Variants in ALOXE3 observed in about 807,000 individuals in gnomAD.
ALOXE3 encodes hydroperoxide isomerase ALOXE3.
A neutral mutation model predicts 87.5 loss-of-function variants in ALOXE3; 78 were observed. The observed-to-expected ratio is 0.89, with a 90% CI of 0.74 to 1.08. The LOEUF (loss-of-function observed/expected upper bound fraction) is 1.08, where lower values mean the gene tolerates loss of function less well. Ranked by LOEUF, ALOXE3 falls within the 50% of genes least tolerant of loss-of-function variation. The pLI, the probability that ALOXE3 is intolerant of heterozygous loss-of-function variation, is 0.00. For missense variants in ALOXE3, 946 were observed against 912.4 expected (o/e 1.04, Z -0.47); for synonymous variants, 363 against 370.8 (o/e 0.98, Z 0.24).
intron 4 of ALOXE3, 53 bp from the exon 5 acceptor site, chr17:8,115,110 G>T (rs533465685): frequency 6.2e-7 from 1 of 1,609,972 alleles, no homozygotes; most frequent in Non-Finnish European, 8.5e-7. Context: ...ATAAACACAA[G>T]TCTTAGCTTT....
In ALOXE3 at chr17:8,110,482, G is replaced by A. The variant is rs778150284; in HGVS notation, c.1004C>T (p.Pro335Leu). The A allele has an allele frequency of 1.2e-6, 2 of 1,613,794 alleles. No individual in the cohort carries two copies. ...CTGGCGGCCGTTTAGGCAGTGGGTG[G>A]GGGCCTCCGCCAGGATCCAGTAGTC... ...LADYWILAEA[P>L]THCLNGRQQY... Residue 335 changes from proline (P) to leucine (L), a missense_variant, in exon 9 of 16, where the codon CCC becomes CTC. Physicochemically the swap from Pro to Leu is moderately conservative, Grantham distance 98. Transcript: ENST00000448843.
intron 6 of ALOXE3, 29 bp downstream of exon 6, chr17:8,114,455 G>A: frequency 3.7e-6 from 6 of 1,613,996 alleles, no homozygotes; most frequent in Non-Finnish European, 4.2e-6. Flanking sequence ...AGAGATGTAA[G>A]ATGTTCATTA....
chr17:8,114,452 T>A lies in ALOXE3; in HGVS notation c.680+32A>T, dbSNP rs771078178. On this transcript the variant is annotated intron_variant, in intron 6 of 15. Transcript: ENST00000448843. ...GGAGGGGGATGGATGGGCAGAGATG[T>A]AAGATGTTCATTAGAGGGACAATGG... The A allele has an allele frequency of 1.5e-5, 24 of 1,613,138 alleles. No individual in the cohort carries two copies. The African/African-American group carries it at 2.7e-4, about 18-fold the overall frequency.
chr17:8,117,031 G>C (rs778522129), intron 2 of ALOXE3, 51 bp from the exon 3 acceptor site: 5 of 1,556,592 alleles, frequency 3.2e-6, no homozygotes, highest in Non-Finnish European at 4.4e-6. Context: ...CTGCCAAGGC[G>C]GTCCTTGCGC....
rs550086451 is a variant in ALOXE3, at chr17:8,100,736, G to A, written c.1956+2587C>T. 2.6e-4 allele frequency among the ~76,000 whole-genome samples: 39 copies of A among 151,980 alleles called. No homozygotes were observed. In the East Asian group the frequency reaches 5.6e-3, roughly 22 times the overall value. On this transcript the variant is annotated intron_variant, in intron 15 of 15. Coordinates refer to ENST00000448843, the MANE Select transcript of ALOXE3 (RefSeq NM_021628.3). The stretch of plus-strand genomic sequence containing the variant: ...TAGCCTCTAGGAATCCTCTCTCTGC[G>A]GCCTCCTGAGTAGCTGGGACTACAG...
Position 8,096,778 on chromosome 17 carries a change from T to C in ALOXE3, c.1985A>G (p.His662Arg). ...CCGCCTCGGGGCCTCCTCTGTGAAG[T>C]GCTCATCTGGGTAGGTGCCCAGGGG... ...QRPLGTYPDE[H>R]FTEEAPRRSI... Residue 662 changes from histidine to arginine, a missense_variant, in exon 16 of 16, where the codon CAC becomes CGC. His to Arg is a conservative substitution (Grantham distance 29). Transcript: ENST00000448843. 6.2e-7 allele frequency: 1 copy of C among 1,614,138 alleles called. No individual in the cohort carries two copies. Among genetic ancestry groups the C allele is most frequent in the Non-Finnish European group, 8.5e-7 (1 of 1,180,022 alleles).
intron 6 of ALOXE3, among the ~76,000 whole-genome samples, chr17:8,113,905 G>A (rs558215601): frequency 1.1e-4 from 16 of 150,946 alleles, no homozygotes; most frequent in South Asian, 4.2e-4. Flanking sequence ...CCTGCCTGTA[G>A]TCCCAGCTAC....
chr17:8,106,333 T>C (rs911056517), intron 13 of ALOXE3, among the ~76,000 whole-genome samples: 5 of 151,294 alleles, frequency 3.3e-5, no homozygotes, highest in Non-Finnish European at 7.4e-5. Flanking sequence ...CGCCTGGGAG[T>C]GTGTGGGAGT....
Position 8,096,794 on chromosome 17 carries a change from T to C in ALOXE3, c.1969A>G (p.Thr657Ala). 1.2e-6 allele frequency: 2 copies of C among 1,614,128 alleles called. No individual in the cohort carries two copies. Among genetic ancestry groups the C allele is most frequent in the Non-Finnish European group, 1.7e-6 (2 of 1,180,018 alleles). Residue 657 changes from threonine (T) to alanine (A), a missense_variant, in exon 16 of 16, where the codon ACC becomes GCC. Thr to Ala is a moderately conservative substitution (Grantham distance 58, BLOSUM62 0). Transcript: ENST00000448843. ...TCTGTGAAGTGCTCATCTGGGTAGG[T>C]GCCCAGGGGCCTCTGGGAGGACATC... Reference protein sequence around the residue: ...QEPKDQRPLGTYPDEHFTEEA... With the variant: ...QEPKDQRPLGAYPDEHFTEEA...
chr17:8,116,712 G>T, intron 3 of ALOXE3, 64 bp downstream of exon 3: 1 of 1,555,980 alleles, frequency 6.4e-7, no homozygotes, highest in South Asian at 1.1e-5. Flanking sequence ...GGCTCTGTGA[G>T]ACCCCACTCC....
At chr17:8,102,838 A>T (rs960876390) in intron 15 of ALOXE3, among the ~76,000 whole-genome samples, 1 of 152,202 alleles carries the variant, frequency 6.6e-6, no homozygotes, top group Non-Finnish European at 1.5e-5. Flanking sequence ...ATAGCTGCCC[A>T]TAACAGTGTC....
chr17:8,098,401 G>A (rs1377536354), intron 15 of ALOXE3, among the ~76,000 whole-genome samples: 1 of 151,762 alleles, frequency 6.6e-6, no homozygotes, highest in Admixed American at 6.6e-5. Context: ...CACCATGCCT[G>A]GCTAATTTTC....
chr17:8,103,615 C>T (rs1051885507), intron 14 of ALOXE3, 122 bp from the exon 15 acceptor site: 27 of 1,111,422 alleles, frequency 2.4e-5, no homozygotes, highest in Middle Eastern at 2.8e-4. Context: ...GAGGGGATCA[C>T]GGAAAGGCAA....
chr17:8,099,304 A>G (rs1978772606), intron 15 of ALOXE3, among the ~76,000 whole-genome samples: 1 of 152,106 alleles, frequency 6.6e-6, no homozygotes, highest in Non-Finnish European at 1.5e-5. Flanking sequence ...TTACATAACT[A>G]AAGTCATATG....
chr17:8,104,873 C>T (rs563471605), intron 13 of ALOXE3, among the ~76,000 whole-genome samples: 1 of 152,170 alleles, frequency 6.6e-6, no homozygotes, highest in Non-Finnish European at 1.5e-5. Context: ...AGGCTCAGCC[C>T]TTGGTCCATT....
At chr17:8,118,354 G>T (rs1313369386) in intron 1 of ALOXE3, 51 bp from the exon 2 acceptor site, 3 of 1,551,756 alleles carry the variant, frequency 1.9e-6, no homozygotes, top group Non-Finnish European at 1.7e-6. Context: ...GGTAACGCCT[G>T]TATAATTGGG....
intron 15 of ALOXE3, among the ~76,000 whole-genome samples, chr17:8,097,152 C>T (rs938031014): frequency 1.3e-5 from 2 of 152,116 alleles, no homozygotes; most frequent in East Asian, 3.8e-4. Flanking sequence ...ATTTTTGAGG[C>T]AAGGTCTCAC....
chr17:8,118,785 C>T, upstream of ALOXE3: 20 of 1,537,102 alleles, frequency 1.3e-5, no homozygotes, highest in Non-Finnish European at 1.7e-5. Flanking sequence ...GCATTCTTTC[C>T]GCTCCAGGAC....
In ALOXE3 at chr17:8,117,397, G is replaced by A. The variant is rs185333925; in HGVS notation, c.148-417C>T. The stretch of plus-strand genomic sequence containing the variant: ...ATCACACCACTGCCCTCCAGCCTGG[G>A]CAACAAGAGCAAAACTCCATCTCAA... On this transcript the variant is annotated intron_variant, in intron 2 of 15. Coordinates refer to ENST00000448843, the MANE Select transcript of ALOXE3 (RefSeq NM_021628.3). Among the ~76,000 whole-genome samples the A allele has an allele frequency of 5.8e-3, 880 of 152,334 alleles. 7 individuals are homozygous for A. Among genetic ancestry groups the A allele is most frequent in the African/African-American group, 0.02 (834 of 41,574 alleles).
Sources: allele counts gnomAD v4.1 joint callset (sites outside exome capture counted in the v4.1 genomes callset), GRCh38; gene constraint gnomAD v4.1.1; transcripts MANE v1.5; gene names NCBI Gene and HGNC (gene_info 2026-07-23, HGNC 2026-07-21).